RBFOX1: variants seen among roughly 807,000 people sequenced by gnomAD.
The protein encoded by RBFOX1 is RNA binding protein fox-1 homolog 1.
A neutral mutation model predicts 57.7 loss-of-function variants in RBFOX1; 8 were observed. The observed-to-expected ratio is 0.14, with a 90% CI of 0.08 to 0.25. The LOEUF (loss-of-function observed/expected upper bound fraction) is 0.25. Ranked by LOEUF, RBFOX1 falls within the 10% of genes least tolerant of loss-of-function variation. The pLI, the probability that RBFOX1 is intolerant of heterozygous loss-of-function variation, is 1.00. For missense variants in RBFOX1, 611 were observed against 548.5 expected (o/e 1.11, Z -1.14); for synonymous variants, 326 against 222.4 (o/e 1.47, Z -4.15).
At chr16:6,146,479 C>G (rs974038429) in intron 1 of RBFOX1, among the ~76,000 whole-genome samples, 4 of 152,076 alleles carry the variant, frequency 2.6e-5, no homozygotes, top group African/African-American at 4.8e-5. Flanking sequence ...GCCGTAGATG[C>G]TGGTAAAACC....
intron 2 of RBFOX1, among the ~76,000 whole-genome samples, chr16:6,400,080 G>T (rs1211696890): frequency 6.6e-6 from 1 of 152,166 alleles, no homozygotes; most frequent in Non-Finnish European, 1.5e-5. Flanking sequence ...CATATCAGGT[G>T]ATTTGAACAA....
intron 1 of RBFOX1, among the ~76,000 whole-genome samples, chr16:5,333,836 G>C (rs1424252357): frequency 1.3e-5 from 2 of 152,182 alleles, no homozygotes; most frequent in African/African-American, 4.8e-5. Flanking sequence ...GTTAGTATTT[G>C]TGTATCATAT....
At chr16:7,373,154 C>G (rs957619108) in intron 4 of RBFOX1, among the ~76,000 whole-genome samples, 1 of 151,968 alleles carries the variant, frequency 6.6e-6, no homozygotes, top group African/African-American at 2.4e-5. Context: ...GGATGGTTAT[C>G]GCTCTCCTGA....
chr16:6,990,694 C>G (rs1286991711), intron 3 of RBFOX1, among the ~76,000 whole-genome samples: 1 of 152,042 alleles, frequency 6.6e-6, no homozygotes, highest in East Asian at 1.9e-4. Context: ...TTGCACCGAC[C>G]TAATAGTTGT....
chr16:7,215,104 T>G (rs2091819077), intron 4 of RBFOX1, among the ~76,000 whole-genome samples: 1 of 152,136 alleles, frequency 6.6e-6, no homozygotes, highest in Non-Finnish European at 1.5e-5. Context: ...TTCGCCTCCC[T>G]ACGTCCATGT....
At chr16:5,356,025 A>G (rs1254444339) in intron 1 of RBFOX1, among the ~76,000 whole-genome samples, 4 of 152,208 alleles carry the variant, frequency 2.6e-5, no homozygotes, top group African/African-American at 9.6e-5. Flanking sequence ...CGGGAGGCGG[A>G]GGTTGCAGTG....
intron 3 of RBFOX1, among the ~76,000 whole-genome samples, chr16:6,662,258 G>A (rs555943712): frequency 6.6e-6 from 1 of 152,200 alleles, no homozygotes; most frequent in South Asian, 2.1e-4. Context: ...CTTGAAATGC[G>A]GTAAGAGAGT....
chr16:5,575,548 C>T (rs183129908), intron 2 of RBFOX1, among the ~76,000 whole-genome samples: 1 of 152,312 alleles, frequency 6.6e-6, no homozygotes, highest in East Asian at 1.9e-4. Context: ...CACTGCCTGG[C>T]ATCTACTCCT....
chr16:5,500,206 C>T (rs1039223371), intron 2 of RBFOX1, among the ~76,000 whole-genome samples: 1 of 133,884 alleles, frequency 7.5e-6, no homozygotes. Context: ...CATTCCATTC[C>T]ATTGCATTCC....
At chr16:5,345,259 C>G (rs1382284396) in intron 1 of RBFOX1, among the ~76,000 whole-genome samples, 2 of 152,232 alleles carry the variant, frequency 1.3e-5, no homozygotes, top group Non-Finnish European at 2.9e-5. Context: ...CCAGAGGCCT[C>G]TTGTCCAAGT....
intron 3 of RBFOX1, among the ~76,000 whole-genome samples, chr16:6,671,345 T>C (rs958859966): frequency 2.6e-5 from 4 of 152,208 alleles, no homozygotes; most frequent in Non-Finnish European, 4.4e-5. Flanking sequence ...GTAATTGATA[T>C]AATGTTTAAT....
At chr16:7,592,887 C>A (rs990129296) in intron 7 of RBFOX1, among the ~76,000 whole-genome samples, 3 of 152,100 alleles carry the variant, frequency 2.0e-5, no homozygotes, top group African/African-American at 7.2e-5. Flanking sequence ...TCACAGCTCA[C>A]TGTAGCCTCA....
chr16:6,203,205 A>T (rs1218984773), intron 1 of RBFOX1, among the ~76,000 whole-genome samples: 1 of 152,120 alleles, frequency 6.6e-6, no homozygotes, highest in African/African-American at 2.4e-5. Context: ...TCCAGAGCTT[A>T]TTGCATTACT....
chr16:6,397,617 G>T (rs1233693203), intron 2 of RBFOX1, among the ~76,000 whole-genome samples: 1 of 152,156 alleles, frequency 6.6e-6, no homozygotes. Context: ...CAGGGAACAT[G>T]GTAAATATGT....
chr16:6,981,002 C>T (rs1436112108), intron 3 of RBFOX1, among the ~76,000 whole-genome samples: 7 of 134,986 alleles, frequency 5.2e-5, no homozygotes, highest in African/African-American at 2.2e-4. Flanking sequence ...GAGATCACGC[C>T]ACTGCACTCC....
chr16:6,549,697 T>G (rs1019774311), intron 2 of RBFOX1, among the ~76,000 whole-genome samples: 8 of 152,184 alleles, frequency 5.3e-5, no homozygotes, highest in African/African-American at 1.9e-4. Flanking sequence ...TGGAGTCTTC[T>G]GAGTGGCTGG....
At chr16:5,322,839 C>G (rs1017852965) in intron 1 of RBFOX1, among the ~76,000 whole-genome samples, 5 of 152,310 alleles carry the variant, frequency 3.3e-5, no homozygotes, top group African/African-American at 1.2e-4. Flanking sequence ...GCACTTAGGG[C>G]ACTTAGCAGA....
chr16:6,192,473 C>A (rs763419743), intron 1 of RBFOX1, among the ~76,000 whole-genome samples: 8 of 152,028 alleles, frequency 5.3e-5, no homozygotes, highest in Non-Finnish European at 1.0e-4. Context: ...TCTCCATTTT[C>A]CCCTTCCTTC....
chr16:6,647,996 C>G (rs551805605), intron 2 of RBFOX1, among the ~76,000 whole-genome samples: 3 of 152,136 alleles, frequency 2.0e-5, no homozygotes, highest in Non-Finnish European at 2.9e-5. Flanking sequence ...TGTGTGCCAC[C>G]ATGCCCAGCT....
Sources: allele counts gnomAD v4.1 joint callset (sites outside exome capture counted in the v4.1 genomes callset), GRCh38; gene constraint gnomAD v4.1.1; transcripts MANE v1.5; gene names NCBI Gene and HGNC (gene_info 2026-07-23, HGNC 2026-07-21).